CENPM: variants seen among roughly 807,000 people sequenced by gnomAD.
CENPM encodes centromere protein M.
In CENPM, 14 loss-of-function variants were observed where a neutral mutation model predicts 19.6. The observed-to-expected ratio is 0.71, with a 90% CI of 0.47 to 1.11. The LOEUF (loss-of-function observed/expected upper bound fraction) is 1.11, where lower values mean the gene tolerates loss of function less well. Ranked by LOEUF, CENPM falls within the 50% of genes most tolerant of loss-of-function variation. The pLI is 0.00. For synonymous variants in CENPM, 114 were observed against 101.5 expected, an observed-to-expected ratio of 1.12 and a Z score of -0.74; for missense variants, 239 against 228.4, an observed-to-expected ratio of 1.05 and a Z score of -0.30.
At chr22:41,940,906 C>T (rs1269807034) in intron 5 of CENPM, among the ~76,000 whole-genome samples, 1 of 152,204 alleles carries the variant, frequency 6.6e-6, no homozygotes, top group South Asian at 2.1e-4. Context: ...CTCCAATCCA[C>T]ATCACTCCAG....
At chr22:41,930,387 G>C in the CENPM span, among the ~76,000 whole-genome samples, 1 of 151,934 alleles carries the variant, frequency 6.6e-6, no homozygotes, top group Non-Finnish European at 1.5e-5. Context: ...GGGCCACCAT[G>C]CCTGGCTAAA....
chr22:41,928,247 T>C, the CENPM span: 1 of 304,684 alleles, frequency 3.3e-6, no homozygotes, highest in Non-Finnish European at 6.6e-6. This position sits in a 1 kb window ranked among gnomAD's most constrained non-coding sequence, Gnocchi z 4.0. Context: ...GGGCTATGTG[T>C]CCTCTCCTGC....
intron 4 of CENPM, chr22:41,945,001 G>A (rs1213802312): frequency 7.3e-7 from 1 of 1,363,372 alleles, no homozygotes; most frequent in African/African-American, 1.5e-5. Context: ...CTTGTGTCAT[G>A]GGGTTTGTTG....
Position 41,946,490 on chromosome 22 carries a change from C to T in CENPM, c.64G>A (p.Gly22Ser), listed in dbSNP as rs902697332. 8 of 1,613,000 alleles carry T rather than the reference C, an allele frequency of 5.0e-6. No homozygotes were observed. The highest frequency in any genetic ancestry group is 1.7e-5 in the Admixed American group (1 of 59,998). ...GLNTATILLVGTEDALLQQLA... is the reference protein window; with the variant it reads ...GLNTATILLVSTEDALLQQLA... The stretch of plus-strand genomic sequence containing the variant: ...TGCTGCAGAAGAGCATCCTCCGTGC[C>T]CACCAGCTGCGCAGGGAGAGAGAGC... The change falls in exon 2 of 6, where the codon GGC (glycine) becomes AGC (serine). Residue 22 changes from glycine to serine, a missense_variant. Coordinates refer to ENST00000215980, the MANE Select transcript of CENPM (RefSeq NM_024053.5).
At chr22:41,946,993 G>T in intron 1 of CENPM, 27 bp downstream of exon 1, 1 of 1,611,320 alleles carries the variant, frequency 6.2e-7, no homozygotes, top group Non-Finnish European at 8.5e-7. Flanking sequence ...AAAAACCGGC[G>T]GGGGAAGCAG....
intron 1 of CENPM, 53 bp downstream of exon 1, chr22:41,946,967 A>G (rs2077812789): frequency 6.3e-7 from 1 of 1,585,168 alleles, no homozygotes; most frequent in Non-Finnish European, 8.7e-7. Flanking sequence ...TAGTGGCTGA[A>G]GCACCGCCCA....
At chr22:41,931,946 T>C in the CENPM span, among the ~76,000 whole-genome samples, 1 of 152,260 alleles carries the variant, frequency 6.6e-6, no homozygotes, top group Non-Finnish European at 1.5e-5. Flanking sequence ...AGGAAAAACC[T>C]GCAAACAATA....
rs750517475 is a variant in CENPM, at chr22:41,939,010, G to A, written c.*46C>T. 4 of 1,605,790 alleles carry A rather than the reference G, an allele frequency of 2.5e-6. No homozygotes were observed. The highest frequency in any genetic ancestry group is 1.7e-6 in the Non-Finnish European group (2 of 1,176,036). On this transcript the variant is annotated 3_prime_UTR_variant, in exon 6 of 6. Transcript: ENST00000215980. ...ATCCTCAACAGAGAATGTTTATGGA[G>A]TCAGCACGAAGCCATGAGAAGGGGC...
the CENPM span, among the ~76,000 whole-genome samples, chr22:41,927,434 C>A: frequency 6.6e-6 from 1 of 152,276 alleles, no homozygotes; most frequent in East Asian, 1.9e-4. Context: ...TGCTCCCCTG[C>A]CATCTCCCCC....
At position 41,945,759 on chromosome 22, in the gene CENPM, A is replaced by C. The variant is rs547300292; in HGVS notation, c.230+154T>G. Among the ~76,000 whole-genome samples the C allele has an allele frequency of 2.0e-5, 3 of 152,180 alleles. No individual in the cohort carries two copies. The East Asian group carries it at 5.8e-4, about 29-fold the overall frequency. The stretch of plus-strand genomic sequence containing the variant: ...CCGTTGTGTATTTTAAACATTGTGC[A>C]CTGACCACTGGCTCCTCTCTCCTCA... On this transcript the variant is annotated intron_variant, in intron 3 of 5. Coordinates refer to ENST00000215980, the MANE Select transcript of CENPM (RefSeq NM_024053.5).
At chr22:41,935,256 G>A (rs1374733998), downstream of CENPM, among the ~76,000 whole-genome samples, 1 of 152,204 alleles carries the variant, frequency 6.6e-6, no homozygotes, top group African/African-American at 2.4e-5. Flanking sequence ...ACAGGGACCT[G>A]AGAGAGGTGC....
chr22:41,931,879 C>G, the CENPM span, among the ~76,000 whole-genome samples: 1 of 152,218 alleles, frequency 6.6e-6, no homozygotes, highest in South Asian at 2.1e-4. Flanking sequence ...GGGATGCACT[C>G]TGTACTTCAA....
chr22:41,946,645 G>T, intron 1 of CENPM, 149 bp from the exon 2 acceptor site: 1 of 671,334 alleles, frequency 1.5e-6, no homozygotes, highest in Non-Finnish European at 2.6e-6. Context: ...CCGCGAAGCG[G>T]CACGGGCTGG....
chr22:41,943,275 A>C (rs2146611269), intron 5 of CENPM, among the ~76,000 whole-genome samples: 1 of 152,298 alleles, frequency 6.6e-6, no homozygotes, highest in East Asian at 1.9e-4. Context: ...ATACATACAC[A>C]TAAGACTTAG....
At position 41,938,748 on chromosome 22, in the gene CENPM, CTT is replaced by C. The variant is rs567949798; in HGVS notation, c.*306_*307del. ...GTGAATGAGACCAGTGATTTTTAAACTTTTTTTAGCCACAGACCTTTTGTTCA... is the reference window on the plus strand; with the variant it reads ...GTGAATGAGACCAGTGATTTTTAAACTTTTTAGCCACAGACCTTTTGTTCA... On this transcript the variant is annotated 3_prime_UTR_variant, in exon 6 of 6. Coordinates refer to ENST00000215980, the MANE Select transcript of CENPM (RefSeq NM_024053.5). 2.3e-3 allele frequency: 681 copies of C among 301,430 alleles called. 5 individuals are homozygous for C. Among genetic ancestry groups the C allele is most frequent in the African/African-American group, 0.014 (648 of 46,592 alleles). The allele number at this position is 301,430 out of a possible 1,614,324, so 18.7% of individuals were successfully genotyped here. A position where few individuals can be genotyped will look rare whatever the true frequency, so the allele number is the denominator to read the frequency against.
At chr22:41,927,394 G>C in the CENPM span, among the ~76,000 whole-genome samples, 24 of 152,090 alleles carry the variant, frequency 1.6e-4, no homozygotes, top group Admixed American at 1.4e-3. Flanking sequence ...CCTCTGCTCC[G>C]TCTAGCCAAA....
At chr22:41,928,125 C>T in the CENPM span, 4 of 384,720 alleles carry the variant, frequency 1.0e-5, no homozygotes, top group Non-Finnish European at 2.1e-5. This position sits in a 1 kb window ranked among gnomAD's most constrained non-coding sequence, Gnocchi z 4.0. Context: ...CTGGGGGACA[C>T]GAGGGAGCCA....
intron 4 of CENPM, chr22:41,944,620 T>C: frequency 8.4e-6 from 8 of 957,958 alleles, no homozygotes; most frequent in Non-Finnish European, 9.9e-6. Flanking sequence ...TGCCTCACAG[T>C]GACAGCTCAA....
chr22:41,945,086 C>T (rs2077782836), intron 4 of CENPM, 139 bp downstream of exon 4: 9 of 1,533,136 alleles, frequency 5.9e-6, no homozygotes, highest in Non-Finnish European at 7.9e-6. Flanking sequence ...TTCTTCCTGC[C>T]CTCCACCCTC....
Sources: gnomAD v4.1 joint callset for allele counts (sites outside exome capture counted in the v4.1 genomes callset) on GRCh38, gnomAD v4.1.1 for gene constraint, Gnocchi (gnomAD v3.1) non-coding constraint, MANE v1.5 for transcripts, NCBI Gene and HGNC (gene_info 2026-07-23, HGNC 2026-07-21) for gene names.